The following GPAT3 variants were observed in gnomAD, a reference collection of about 807,000 sequenced individuals.
GPAT3 encodes the protein 1-AGP acyltransferase 9.
GPAT3 carries 53 observed loss-of-function variants against 58.8 expected under a neutral mutation model. The observed-to-expected ratio is 0.90, with a 90% confidence interval of 0.72 to 1.13. GPAT3 has a LOEUF of 1.13. GPAT3 is among the 50% of genes most tolerant of loss of function. GPAT3 has a pLI of 0.00. For synonymous variants in GPAT3, 197 were observed against 187.4 expected (o/e 1.05, Z -0.42); for missense variants, 511 against 527.6 (o/e 0.97, Z 0.31).
At chr4:83,553,324 A>G (rs1724821711) in intron 2 of GPAT3, among the ~76,000 whole-genome samples, 1 of 152,234 alleles carries the variant, frequency 6.6e-6, no homozygotes. Context: ...ACTAGCTAGG[A>G]CATTCATAAA....
In GPAT3 at chr4:83,604,801, G is replaced by C. The variant is rs1481306470; in HGVS notation, c.*34G>C. 6.5e-7 allele frequency: 1 copy of C among 1,534,880 alleles called. No homozygotes were observed. The highest frequency in any genetic ancestry group is 2.3e-5 in the East Asian group (1 of 44,090). On this transcript the variant is annotated 3_prime_UTR_variant, in exon 12 of 12. Coordinates refer to ENST00000264409, the MANE Select transcript of GPAT3 (RefSeq NM_032717.5). ...ATGACAGCCTTTAGATCTAGAACTA[G>C]CCCTTAGAAATGGAATGGCTTTTTT... is the stretch of plus-strand genomic sequence containing the variant.
chr4:83,539,739 T>G (rs1409861713), intron 1 of GPAT3, among the ~76,000 whole-genome samples: 1 of 152,222 alleles, frequency 6.6e-6, no homozygotes, highest in Non-Finnish European at 1.5e-5. Flanking sequence ...AATACTTAGC[T>G]TGGAATAAGT....
At chr4:83,591,109 AGTAGAT>A (rs1726583412) in intron 6 of GPAT3, among the ~76,000 whole-genome samples, 1 of 152,002 alleles carries the variant, frequency 6.6e-6, no homozygotes, top group African/African-American at 2.4e-5. Flanking sequence ...CTTCAGGGAG[AGTAGAT>A]GGGTTTTATT....
chr4:83,596,549 G>A (rs967902960), intron 7 of GPAT3, among the ~76,000 whole-genome samples: 10 of 151,986 alleles, frequency 6.6e-5, no homozygotes, highest in African/African-American at 2.4e-4. Context: ...TTGAGCTCAG[G>A]GTGTGGAGGC....
intron 3 of GPAT3, among the ~76,000 whole-genome samples, chr4:83,582,867 C>T (rs995301678): frequency 3.9e-5 from 6 of 151,960 alleles, no homozygotes; most frequent in Non-Finnish European, 7.4e-5. Context: ...GATAATGAAG[C>T]GAAATTCAAG....
intron 1 of GPAT3, among the ~76,000 whole-genome samples, chr4:83,543,925 G>A (rs963259114): frequency 6.6e-6 from 1 of 152,188 alleles, no homozygotes; most frequent in Non-Finnish European, 1.5e-5. Flanking sequence ...ACAGGCATGA[G>A]CCAATCGTGC....
chr4:83,604,578 C>T (rs1727186962), intron 11 of GPAT3, 90 bp from the exon 12 acceptor site: 1 of 969,992 alleles, frequency 1.0e-6, no homozygotes, highest in Non-Finnish European at 1.5e-6. Flanking sequence ...GCCTAAGCGT[C>T]ATGGTATCAT....
intron 3 of GPAT3, among the ~76,000 whole-genome samples, chr4:83,586,339 G>T (rs1726375218): frequency 6.6e-6 from 1 of 152,180 alleles, no homozygotes; most frequent in African/African-American, 2.4e-5. Flanking sequence ...AACCACTGTA[G>T]CTTCCCCAGA....
chr4:83,558,282 A>C (rs1725010632), intron 2 of GPAT3, among the ~76,000 whole-genome samples: 1 of 152,192 alleles, frequency 6.6e-6, no homozygotes, highest in South Asian at 2.1e-4. Flanking sequence ...ACTGCTTTCA[A>C]GATTGTTTAC....
intron 2 of GPAT3, among the ~76,000 whole-genome samples, chr4:83,572,847 T>C (rs2110090015): frequency 6.6e-6 from 1 of 152,338 alleles, no homozygotes; most frequent in Non-Finnish European, 1.5e-5. Flanking sequence ...CTAACTTACG[T>C]CCTGGAAATC....
intron 2 of GPAT3, among the ~76,000 whole-genome samples, chr4:83,547,490 G>A (rs1401813913): frequency 3.9e-5 from 6 of 151,948 alleles, no homozygotes; most frequent in African/African-American, 1.5e-4. Flanking sequence ...CTGACCTTGT[G>A]ATCTGCCCAC....
At chr4:83,562,238 T>TATATA (rs1560611276) in intron 2 of GPAT3, among the ~76,000 whole-genome samples, 45 of 117,770 alleles carry the variant, frequency 3.8e-4, no homozygotes, top group African/African-American at 1.9e-3. Flanking sequence ...ATATATATAA[T>TATATA]ATATATATAT....
In GPAT3 at chr4:83,536,129, C is replaced by G; in HGVS notation, c.-494C>G. Reference sequence around the variant, plus strand: ...AGCCAGCTTCCAGCACAGCCCGCGGCCCGGTGCCAGCTCCGCCGGCGACCG... The same window carrying G: ...AGCCAGCTTCCAGCACAGCCCGCGGGCCGGTGCCAGCTCCGCCGGCGACCG... On this transcript the variant is annotated 5_prime_UTR_variant, in exon 1 of 12. Coordinates refer to ENST00000264409, the MANE Select transcript of GPAT3 (RefSeq NM_032717.5). 1 of 985,854 alleles carries G rather than the reference C, an allele frequency of 1.0e-6. No homozygotes were observed. The highest frequency in any genetic ancestry group is 1.2e-6 in the Non-Finnish European group (1 of 830,182). The allele number at this position is 985,854 out of a possible 1,614,324, so 61.1% of individuals were successfully genotyped here.
chr4:83,578,955 T>TCTTTCTTTCTTTCTTG lies in GPAT3; in HGVS notation c.209-2592_209-2591insGCTTTCTTTCTTTCTT, dbSNP rs1725937148. Among the ~76,000 whole-genome samples, 5 of 88,700 alleles carry TCTTTCTTTCTTTCTTG rather than the reference T, an allele frequency of 5.6e-5. 1 individual carries two copies. Among genetic ancestry groups the TCTTTCTTTCTTTCTTG allele is most frequent in the African/African-American group, 1.7e-4 (4 of 24,236 alleles). The allele number at this position is 88,700 out of a possible 152,430, so 58.2% of individuals were successfully genotyped here. A position where few individuals can be genotyped will look rare whatever the true frequency, so the allele number is the denominator to read the frequency against. ...TTTCTTTCTTTTCTTTTCTTTTCTT[T>TCTTTCTTTCTTTCTTG]CTTTCTTTCTTTCTTTCTTTCTTTC... On this transcript the variant is annotated intron_variant, in intron 2 of 11. Coordinates refer to ENST00000264409, the MANE Select transcript of GPAT3 (RefSeq NM_032717.5).
At position 83,536,177 on chromosome 4, in the gene GPAT3, C is replaced by T. The variant is rs1401619066; in HGVS notation, c.-446C>T. 4.1e-6 allele frequency: 4 copies of T among 986,336 alleles called. No individual in the cohort carries two copies. Among genetic ancestry groups the T allele is most frequent in the South Asian group, 9.3e-5 (2 of 21,402 alleles). 61.1% of individuals were successfully genotyped at this position (986,336 alleles called of 1,614,324 possible). A position where few individuals can be genotyped will look rare whatever the true frequency, so the allele number is the denominator to read the frequency against. On this transcript the variant is annotated 5_prime_UTR_variant, in exon 1 of 12. Transcript: ENST00000264409. ...CCGGTGTGCCAAAGTGCGGTGCTCC[C>T]GCAGGGAACCTGGCTCGGGGAGGGC...
intron 3 of GPAT3, among the ~76,000 whole-genome samples, chr4:83,584,336 T>G (rs1308887975): frequency 6.6e-6 from 1 of 152,170 alleles, no homozygotes; most frequent in Non-Finnish European, 1.5e-5. Flanking sequence ...AATGCAGAGT[T>G]CAGACTCCTA....
In GPAT3 at chr4:83,558,426, T is replaced by C. The variant is rs140020239; in HGVS notation, c.208+13824T>C. On this transcript the variant is annotated intron_variant, in intron 2 of 11. Coordinates refer to ENST00000264409, the MANE Select transcript of GPAT3 (RefSeq NM_032717.5). Reference sequence around the variant, plus strand: ...GGCAAAACAGAACCTAAAAAGATGCTGCAGTGCTAACAGAACCAGCACATT... The same window carrying C: ...GGCAAAACAGAACCTAAAAAGATGCCGCAGTGCTAACAGAACCAGCACATT... Among the ~76,000 whole-genome samples the C allele has an allele frequency of 3.9e-5, 6 of 152,278 alleles. No homozygotes were observed. In the East Asian group the frequency reaches 1.2e-3, roughly 29 times the overall value.
In GPAT3 at chr4:83,604,916, C is replaced by G; in HGVS notation, c.*149C>G. 9 of 648,312 alleles carry G rather than the reference C, an allele frequency of 1.4e-5. No individual in the cohort carries two copies. In the South Asian group the frequency reaches 1.9e-4, roughly 14 times the overall value. 40.2% of individuals were successfully genotyped at this position (648,312 alleles called of 1,614,324 possible). ...CTACCTCTTTATGCCAGAGGCAGAA[C>G]CTACAGGTGCCCTTTTTGGCTTTTG... On this transcript the variant is annotated 3_prime_UTR_variant, in exon 12 of 12. Coordinates refer to ENST00000264409, the MANE Select transcript of GPAT3 (RefSeq NM_032717.5).
At chr4:83,571,008 ATT>A (rs1725586603) in intron 2 of GPAT3, among the ~76,000 whole-genome samples, 1 of 151,930 alleles carries the variant, frequency 6.6e-6, no homozygotes, top group Non-Finnish European at 1.5e-5. Flanking sequence ...CTCTCTTCTG[ATT>A]TCTGTCATCG....
Sources: gnomAD v4.1 joint callset for allele counts (sites outside exome capture counted in the v4.1 genomes callset) on GRCh38, gnomAD v4.1.1 for gene constraint, MANE v1.5 for transcripts, NCBI Gene and HGNC (gene_info 2026-07-23, HGNC 2026-07-21) for gene names.